The following GREM1 variants were observed in gnomAD, a reference collection of about 807,000 sequenced individuals.
GREM1 encodes the protein gremlin-1.
Under a neutral mutation model 13.1 loss-of-function variants are expected in GREM1, and 6 were observed. The ratio of observed to expected loss-of-function variants is 0.46; its 90% confidence interval spans 0.25 to 0.91. The LOEUF (loss-of-function observed/expected upper bound fraction) is 0.91. Among genes scored for constraint, GREM1 ranks in the 40% least tolerant of loss-of-function variants. The probability of loss-of-function intolerance (pLI) is 0.18; values close to 1 mark genes in which losing one functional copy is unlikely to be tolerated. For missense variants in GREM1, 185 were observed against 233.9 expected (o/e 0.79, Z 1.36); for synonymous variants, 98 against 93.7 (o/e 1.05, Z -0.27).
Position 32,732,308 on chromosome 15 carries a change from T to C in GREM1, c.*1063T>C, listed in dbSNP as rs1050802033. The C allele has an allele frequency of 9.6e-5, 23 of 239,184 alleles. No individual in the cohort carries two copies. In the East Asian group the frequency reaches 1.5e-3, roughly 15 times the overall value. 14.8% of individuals were successfully genotyped at this position (239,184 alleles called of 1,614,324 possible). A position where few individuals can be genotyped will look rare whatever the true frequency, so the allele number is the denominator to read the frequency against. ...TTTATCGTGGTTATAGTCAGCTCAT[T>C]TCCATTCCACTATTTCCCATAATGC... On this transcript the variant is annotated 3_prime_UTR_variant, in exon 2 of 2. Coordinates refer to ENST00000651154, the MANE Select transcript of GREM1 (RefSeq NM_013372.7).
intron 1 of GREM1, among the ~76,000 whole-genome samples, chr15:32,727,472 A>AGG: frequency 6.6e-6 from 1 of 152,232 alleles, no homozygotes; most frequent in East Asian, 1.9e-4. Context: ...CTCTCAATAA[A>AGG]CTAGGTATTG....
In GREM1 at chr15:32,732,120, T is replaced by C. The variant is rs1567114068; in HGVS notation, c.*875T>C. ...CAAACCTAACACCAAACTGAAAACA[T>C]AAATACTGACCACTCCTATGTTCGG... On this transcript the variant is annotated 3_prime_UTR_variant, in exon 2 of 2. Transcript: ENST00000651154. The C allele has an allele frequency of 4.1e-6, 1 of 242,084 alleles. No homozygotes were observed. Among genetic ancestry groups the C allele is most frequent in the East Asian group, 6.3e-5 (1 of 15,794 alleles). The allele number at this position is 242,084 out of a possible 1,614,324, so 15.0% of individuals were successfully genotyped here.
chr15:32,718,609 G>T (rs1237750116), intron 1 of GREM1: 1 of 383,522 alleles, frequency 2.6e-6, no homozygotes, highest in African/African-American at 2.1e-5. Context: ...TTGGGGCGCC[G>T]CGCTGGGTCT....
chr15:32,722,224 A>G (rs990437393), intron 1 of GREM1, among the ~76,000 whole-genome samples: 8 of 152,276 alleles, frequency 5.3e-5, no homozygotes, highest in Admixed American at 3.9e-4. Flanking sequence ...TTTAGACCTG[A>G]GAAAAAGGAA....
rs557791128 is a variant in GREM1, at chr15:32,718,197, G to A, written c.-2+36G>A. 6.7e-6 allele frequency: 9 copies of A among 1,337,522 alleles called. No homozygotes were observed. The East Asian group carries it at 1.1e-4, about 16-fold the overall frequency. The allele number at this position is 1,337,522 out of a possible 1,614,324, so 82.9% of individuals were successfully genotyped here. ...ACGCACCCGGCAGGGATGTGAGTGG[G>A]CGGAGGGAAGAGGGCCGCAAACCAA... On this transcript the variant is annotated intron_variant, in intron 1 of 1. Transcript: ENST00000651154.
At chr15:32,729,974 T>C (rs755205458) in intron 1 of GREM1, among the ~76,000 whole-genome samples, 7 of 152,232 alleles carry the variant, frequency 4.6e-5, no homozygotes, top group Non-Finnish European at 8.8e-5. Context: ...GCCACACATT[T>C]GGTTAGTTCT....
chr15:32,738,083 CAAAAA>C lies in GREM1; in HGVS notation c.*6884_*6888del, dbSNP rs67118209. 2.1e-4 allele frequency: 4 copies of C among 18,928 alleles called. No individual in the cohort carries two copies. The highest frequency in any genetic ancestry group is 9.1e-4 in the African/African-American group (4 of 4,378). The allele number at this position is 18,928 out of a possible 1,614,324, so 1.2% of individuals were successfully genotyped here. The stretch of plus-strand genomic sequence containing the variant: ...GGAGGTTCTACCTAGGGTAATTAGG[CAAAAA>C]AAAAAAAAAAAAAAAAAAAAAAAAA... On this transcript the variant is annotated 3_prime_UTR_variant, in exon 2 of 2. Coordinates refer to ENST00000651154, the MANE Select transcript of GREM1 (RefSeq NM_013372.7).
rs2055662894 is a variant in GREM1 at position 32,733,893 on chromosome 15, G to A, written c.*2648G>A. The stretch of plus-strand genomic sequence containing the variant: ...CTGTAAGTTGTTTTTTGTTACTGTA[G>A]GTCTTCAAAGTTAAGAGTGTAAGTG... On this transcript the variant is annotated 3_prime_UTR_variant, in exon 2 of 2. Coordinates refer to ENST00000651154, the MANE Select transcript of GREM1 (RefSeq NM_013372.7). 8.3e-6 allele frequency: 2 copies of A among 239,898 alleles called. No individual in the cohort carries two copies. The highest frequency in any genetic ancestry group is 4.4e-5 in the African/African-American group (2 of 45,038). 14.9% of individuals were successfully genotyped at this position (239,898 alleles called of 1,614,324 possible).
rs552400881 is a variant in GREM1 at position 32,719,331 on chromosome 15, T to G, written c.-2+1170T>G. 2.2e-3 allele frequency among the ~76,000 whole-genome samples: 333 copies of G among 152,346 alleles called. 2 individuals carry two copies. Among genetic ancestry groups the G allele is most frequent in the African/African-American group, 6.9e-3 (285 of 41,584 alleles). ...TGCCCCAGCTTGGCGTTTATTTGCC[T>G]GCGCCAGGCTCTGGCGACGGTCACC... On this transcript the variant is annotated intron_variant, in intron 1 of 1. Transcript: ENST00000651154.
At chr15:32,721,220 CTTGGACAAA>C (rs1171338778) in intron 1 of GREM1, among the ~76,000 whole-genome samples, 1 of 152,062 alleles carries the variant, frequency 6.6e-6, no homozygotes, top group Non-Finnish European at 1.5e-5. Flanking sequence ...GCTGTGTGAC[CTTGGACAAA>C]TTTCCAACTT....
chr15:32,721,047 T>A lies in GREM1; in HGVS notation c.-2+2886T>A, dbSNP rs148993122. 5.4e-3 allele frequency among the ~76,000 whole-genome samples: 826 copies of A among 152,198 alleles called. 10 individuals carry two copies. Among genetic ancestry groups the A allele is most frequent in the African/African-American group, 0.019 (772 of 41,492 alleles). On this transcript the variant is annotated intron_variant, in intron 1 of 1. Coordinates refer to ENST00000651154, the MANE Select transcript of GREM1 (RefSeq NM_013372.7). ...GGTGCATGCCTGCAATCCCAGCTAC[T>A]TGGGAGGCTGAGGCAGGAGAATTGC...
intron 1 of GREM1, among the ~76,000 whole-genome samples, chr15:32,723,931 GT>G (rs2055454343): frequency 6.6e-6 from 1 of 152,234 alleles, no homozygotes; most frequent in African/African-American, 2.4e-5. Context: ...CACACTGAGA[GT>G]TAGACATCCA....
rs527338437 is a variant in GREM1, at chr15:32,737,578, C to T, written c.*6333C>T. The stretch of plus-strand genomic sequence containing the variant: ...AACACCCCTTTGTAATAAAATCACT[C>T]AACACACTAGGAAGAGAAGGGAACT... On this transcript the variant is annotated 3_prime_UTR_variant, in exon 2 of 2. Coordinates refer to ENST00000651154, the MANE Select transcript of GREM1 (RefSeq NM_013372.7). 2.0e-5 allele frequency: 3 copies of T among 152,194 alleles called. No homozygotes were observed. The highest frequency in any genetic ancestry group is 7.2e-5 in the African/African-American group (3 of 41,520). 9.4% of individuals were successfully genotyped at this position (152,194 alleles called of 1,614,324 possible).
chr15:32,730,543 A>C, intron 1 of GREM1, 147 bp from the exon 2 acceptor site: 2 of 607,218 alleles, frequency 3.3e-6, no homozygotes, highest in South Asian at 2.5e-5. Flanking sequence ...ATAGTACCTA[A>C]TTCATACAGG....
rs926978954 is a variant in GREM1 at position 32,742,950 on chromosome 15, C to T, written c.*11705C>T. ...GAAGAGAAAGTTTCATGACATTGCC[C>T]TTGGCAATGATTTCATGTACATAAC... On this transcript the variant is annotated 3_prime_UTR_variant, in exon 2 of 2. Coordinates refer to ENST00000651154, the MANE Select transcript of GREM1 (RefSeq NM_013372.7). The T allele has an allele frequency of 1.3e-5, 2 of 152,174 alleles. No individual in the cohort carries two copies. Among genetic ancestry groups the T allele is most frequent in the Admixed American group, 1.3e-4 (2 of 15,282 alleles). 9.4% of individuals were successfully genotyped at this position (152,174 alleles called of 1,614,324 possible).
Position 32,732,835 on chromosome 15 carries a change from C to G in GREM1, c.*1590C>G, listed in dbSNP as rs932058126. ...TTGGATTTGGTTAACCTGTTTTCTT[C>G]AAGCCTGAGGTTTTATATACAAACT... On this transcript the variant is annotated 3_prime_UTR_variant, in exon 2 of 2. Coordinates refer to ENST00000651154, the MANE Select transcript of GREM1 (RefSeq NM_013372.7). 71 of 222,804 alleles carry G rather than the reference C, an allele frequency of 3.2e-4. No homozygotes were observed. Among genetic ancestry groups the G allele is most frequent in the African/African-American group, 1.6e-3 (69 of 43,956 alleles). The allele number at this position is 222,804 out of a possible 1,614,324, so 13.8% of individuals were successfully genotyped here. A position where few individuals can be genotyped will look rare whatever the true frequency, so the allele number is the denominator to read the frequency against.
chr15:32,729,933 C>T (rs1316550509), intron 1 of GREM1, among the ~76,000 whole-genome samples: 1 of 152,210 alleles, frequency 6.6e-6, no homozygotes, highest in Non-Finnish European at 1.5e-5. Context: ...GTCACCTACA[C>T]GCTACTGTCT....
intron 1 of GREM1, among the ~76,000 whole-genome samples, chr15:32,721,513 T>G (rs1157127340): frequency 1.3e-5 from 2 of 152,138 alleles, no homozygotes; most frequent in African/African-American, 2.4e-5. Context: ...CTAAGCACTT[T>G]CGGAGACTGA....
intron 1 of GREM1, among the ~76,000 whole-genome samples, chr15:32,726,556 A>G (rs1370241109): frequency 1.3e-5 from 2 of 152,192 alleles, no homozygotes; most frequent in Non-Finnish European, 2.9e-5. Context: ...CAGATCTAAA[A>G]TCGACACCCT....
Sources: allele counts gnomAD v4.1 joint callset (sites outside exome capture counted in the v4.1 genomes callset), GRCh38; gene constraint gnomAD v4.1.1; transcripts MANE v1.5; gene names NCBI Gene and HGNC (gene_info 2026-07-23, HGNC 2026-07-21).